The following PRR23E variants were observed in gnomAD, a reference collection of about 807,000 sequenced individuals.
The protein encoded by PRR23E is proline-rich protein 23E.
chr3:127,194,228 T>C, the PRR23E span, among the ~76,000 whole-genome samples: 1 of 152,218 alleles, frequency 6.6e-6, no homozygotes, highest in Non-Finnish European at 1.5e-5. Flanking sequence ...GCATGTTAAC[T>C]CTTGCAGGGG....
chr3:127,196,910 C>T, the PRR23E span: 1 of 1,599,488 alleles, frequency 6.3e-7, no homozygotes, highest in African/African-American at 1.3e-5. Context: ...ACCCAGCCTT[C>T]TGGGCTTACC....
At chr3:127,197,264 G>T in the PRR23E span, 1 of 1,599,324 alleles carries the variant, frequency 6.3e-7, no homozygotes, top group East Asian at 2.2e-5. Flanking sequence ...GGGCCTCCAG[G>T]TTCGGTATTT....
At chr3:127,196,927 T>C in the PRR23E span, 1 of 1,599,438 alleles carries the variant, frequency 6.3e-7, no homozygotes. Context: ...TACCCGTGGG[T>C]GCTCTATGGT....
At chr3:127,196,460 C>G in the PRR23E span, 1 of 645,202 alleles carries the variant, frequency 1.5e-6, no homozygotes, top group South Asian at 2.4e-5. Flanking sequence ...ACACCTTGCT[C>G]CCCATCCTCC....
the PRR23E span, among the ~76,000 whole-genome samples, chr3:127,193,989 T>A: frequency 6.6e-6 from 1 of 152,260 alleles, no homozygotes; most frequent in African/African-American, 2.4e-5. Flanking sequence ...AAGAGCTGTC[T>A]GTATCTGACA....
chr3:127,195,754 T>A, the PRR23E span, among the ~76,000 whole-genome samples: 1 of 152,102 alleles, frequency 6.6e-6, no homozygotes, highest in Admixed American at 6.5e-5. Flanking sequence ...GGGCTGGGGG[T>A]GTCCTCTCCT....
At chr3:127,196,507 AC>A in the PRR23E span, 113 of 927,658 alleles carry the variant, frequency 1.2e-4, no homozygotes, top group Non-Finnish European at 1.5e-4. Context: ...CTGTCACCTC[AC>A]CCCCAGCTGT....
At chr3:127,196,901 C>T in the PRR23E span, 3 of 1,599,338 alleles carry the variant, frequency 1.9e-6, no homozygotes, top group Middle Eastern at 1.6e-4. Context: ...CACAAGCTTA[C>T]CCAGCCTTCT....
the PRR23E span, among the ~76,000 whole-genome samples, chr3:127,195,135 G>A: frequency 1.3e-5 from 2 of 152,200 alleles, no homozygotes; most frequent in African/African-American, 2.4e-5. Context: ...TTTTGCCTGG[G>A]TGGAGGAGAG....
At chr3:127,196,774 C>G in the PRR23E span, 1 of 1,596,968 alleles carries the variant, frequency 6.3e-7, no homozygotes, top group Non-Finnish European at 8.5e-7. Context: ...ACTCTGGCAG[C>G]CTCAACCCCC....
chr3:127,196,158 C>T, the PRR23E span, among the ~76,000 whole-genome samples: 7 of 152,270 alleles, frequency 4.6e-5, no homozygotes, highest in East Asian at 5.8e-4. Flanking sequence ...TGAAGTGCTC[C>T]GGGACCTGTC....
At chr3:127,197,414 A>T in the PRR23E span, 2 of 1,542,948 alleles carry the variant, frequency 1.3e-6, no homozygotes, top group Admixed American at 3.7e-5. Context: ...TTGAGTGCTA[A>T]TCAGCCCTCT....
chr3:127,197,164 C>T, the PRR23E span: 1 of 1,590,910 alleles, frequency 6.3e-7, no homozygotes, highest in Non-Finnish European at 8.5e-7. Flanking sequence ...GGATGCTGGA[C>T]TCCAGCCAGC....
At chr3:127,194,956 A>C in the PRR23E span, among the ~76,000 whole-genome samples, 1 of 152,034 alleles carries the variant, frequency 6.6e-6, no homozygotes, top group Non-Finnish European at 1.5e-5. Context: ...GACCTTGCCC[A>C]CGTTTCCATC....
chr3:127,195,864 C>CA, the PRR23E span, among the ~76,000 whole-genome samples: 2 of 152,170 alleles, frequency 1.3e-5, no homozygotes, highest in South Asian at 4.2e-4. Context: ...GAAACAGCTC[C>CA]AAATTTCAAG....
chr3:127,196,884 T>A, the PRR23E span: 1 of 1,599,348 alleles, frequency 6.3e-7, no homozygotes. Flanking sequence ...CTGCATGGGA[T>A]TTTCCCCACA....
the PRR23E span, among the ~76,000 whole-genome samples, chr3:127,193,852 AT>A: frequency 6.6e-6 from 1 of 152,152 alleles, no homozygotes; most frequent in Non-Finnish European, 1.5e-5. Context: ...TTGTAATTTG[AT>A]TTTTTTAAAA....
chr3:127,195,602 C>T, the PRR23E span, among the ~76,000 whole-genome samples: 3 of 152,146 alleles, frequency 2.0e-5, no homozygotes, highest in Admixed American at 6.5e-5. Context: ...TCTCATATAG[C>T]GTCCTCTTGT....
the PRR23E span, among the ~76,000 whole-genome samples, chr3:127,195,257 C>T: frequency 6.6e-6 from 1 of 152,168 alleles, no homozygotes; most frequent in Non-Finnish European, 1.5e-5. Flanking sequence ...TGGCACCTTC[C>T]TCTCCTTCTC....
Sources: allele counts gnomAD v4.1 joint callset (sites outside exome capture counted in the v4.1 genomes callset), GRCh38; gene constraint gnomAD v4.1.1; transcripts MANE v1.5; gene names NCBI Gene and HGNC (gene_info 2026-07-23, HGNC 2026-07-21).